The following KIAA1217 variants were observed in gnomAD, a reference collection of about 807,000 sequenced individuals.
The protein encoded by KIAA1217 is sickle tail protein homolog.
KIAA1217 carries 88 observed loss-of-function variants against 163.9 expected under a neutral mutation model. The ratio of observed to expected loss-of-function variants is 0.54; its 90% CI spans 0.45 to 0.64. The LOEUF (loss-of-function observed/expected upper bound fraction) is 0.64. Ranked by LOEUF, KIAA1217 falls within the 30% of genes least tolerant of loss-of-function variation. The pLI, the probability that KIAA1217 is intolerant of heterozygous loss-of-function variation, is 0.00. For missense variants in KIAA1217, 2,372 were observed against 2,475.0 expected, an observed-to-expected ratio of 0.96 and a Z score of 0.88; for synonymous variants, 903 against 923.1, an observed-to-expected ratio of 0.98 and a Z score of 0.39.
intron 1 of KIAA1217, among the ~76,000 whole-genome samples, chr10:23,830,405 C>A (rs185674343): frequency 6.6e-6 from 1 of 152,070 alleles, no homozygotes; most frequent in South Asian, 2.1e-4. Flanking sequence ...AAAAGACGAC[C>A]GTGTCCAGGG....
At chr10:23,759,014 T>C (rs1385584558) in intron 1 of KIAA1217, among the ~76,000 whole-genome samples, 1 of 152,146 alleles carries the variant, frequency 6.6e-6, no homozygotes. Flanking sequence ...TTGCTTTGGG[T>C]AGTATTGACG....
chr10:24,158,798 A>G, intron 2 of KIAA1217: 9 of 447,604 alleles, frequency 2.0e-5, no homozygotes, highest in Middle Eastern at 3.6e-4. Flanking sequence ...GTAGTAGAAG[A>G]CCAAGGAGGA....
At chr10:24,416,430 T>C (rs956329175) in intron 3 of KIAA1217, among the ~76,000 whole-genome samples, 3 of 152,238 alleles carry the variant, frequency 2.0e-5, no homozygotes, top group African/African-American at 7.2e-5. Flanking sequence ...GAAGGTTCTG[T>C]TCCTGGCTTT....
chr10:23,695,733 G>A lies in KIAA1217; in HGVS notation c.-321+499G>A, dbSNP rs1013433306. 1.3e-4 allele frequency among the ~76,000 whole-genome samples: 20 copies of A among 152,190 alleles called. No homozygotes were observed. The highest frequency in any genetic ancestry group is 1.8e-4 in the Non-Finnish European group (12 of 68,026). ...ACGGGCTGGAGGGTGGGGACACTGG[G>A]GAGTTTGGAGCTGGGGGTTCGGAGT... On this transcript the variant is annotated intron_variant, in intron 1 of 18. Transcript: ENST00000376462. The surrounding 1 kb of genome is among the most constrained non-coding windows in gnomAD (Gnocchi z 4.9).
At chr10:23,751,310 G>A (rs143210361) in intron 1 of KIAA1217, among the ~76,000 whole-genome samples, 478 of 152,248 alleles carry the variant, frequency 3.1e-3, no homozygotes, top group African/African-American at 0.011. Flanking sequence ...TTACAGGTGT[G>A]AGCCACCGTG....
upstream of KIAA1217, among the ~76,000 whole-genome samples, chr10:24,207,963 G>A (rs1215754495): frequency 6.6e-6 from 1 of 152,090 alleles, no homozygotes; most frequent in Non-Finnish European, 1.5e-5. Context: ...GTAAACTGGG[G>A]CAAAGTATGG....
At chr10:23,698,281 C>T (rs1260313839) in intron 1 of KIAA1217, among the ~76,000 whole-genome samples, 1 of 152,150 alleles carries the variant, frequency 6.6e-6, no homozygotes, top group Non-Finnish European at 1.5e-5. Flanking sequence ...ATATTTAAGA[C>T]ATCAGAGCTC....
intron 2 of KIAA1217, among the ~76,000 whole-genome samples, chr10:24,055,360 A>G (rs1272718400): frequency 6.6e-6 from 1 of 152,178 alleles, no homozygotes; most frequent in East Asian, 1.9e-4. Context: ...TTAATATTAG[A>G]CTATGTTTAA....
intron 2 of KIAA1217, among the ~76,000 whole-genome samples, chr10:24,234,715 A>C (rs1028004171): frequency 2.0e-5 from 3 of 151,098 alleles, no homozygotes; most frequent in Non-Finnish European, 4.4e-5. Flanking sequence ...TTGCTTTTTC[A>C]GCCTAATTCG....
intron 3 of KIAA1217, among the ~76,000 whole-genome samples, chr10:24,425,549 G>GT (rs1278492530): frequency 6.6e-6 from 1 of 152,154 alleles, no homozygotes; most frequent in Non-Finnish European, 1.5e-5. Context: ...ATAAAATACA[G>GT]TTTTTTCACA....
chr10:23,852,640 C>G (rs1001119217), intron 1 of KIAA1217, among the ~76,000 whole-genome samples: 1 of 152,144 alleles, frequency 6.6e-6, no homozygotes, highest in Non-Finnish European at 1.5e-5. Flanking sequence ...ATTCTTCCTA[C>G]CCATGAGCAT....
At chr10:24,036,848 G>A (rs148468296) in intron 2 of KIAA1217, among the ~76,000 whole-genome samples, 78 of 152,318 alleles carry the variant, frequency 5.1e-4, no homozygotes, top group African/African-American at 1.6e-3. Flanking sequence ...AACATTGGAG[G>A]TTGAGACTTG....
At chr10:24,445,360 A>G (rs2060831622) in intron 5 of KIAA1217, among the ~76,000 whole-genome samples, 3 of 152,172 alleles carry the variant, frequency 2.0e-5, no homozygotes, top group Admixed American at 2.0e-4. Context: ...AATATGCTTT[A>G]TTAAACATTT....
Position 24,540,258 on chromosome 10 carries a change from G to A in KIAA1217, c.3535-2435G>A, listed in dbSNP as rs112454806. 8.4e-3 allele frequency among the ~76,000 whole-genome samples: 1,284 copies of A among 152,218 alleles called. 11 individuals carry two copies. The highest frequency in any genetic ancestry group is 0.029 in the African/African-American group (1,204 of 41,522). Reference sequence around the variant, plus strand: ...AATTTATTTATTTATTTTTGAGACCGAGTCTCGCTCTCTCGCCCAGGCTGG... The same window carrying A: ...AATTTATTTATTTATTTTTGAGACCAAGTCTCGCTCTCTCGCCCAGGCTGG... On this transcript the variant is annotated intron_variant, in intron 17 of 20. Coordinates refer to ENST00000376454, the MANE Select transcript of KIAA1217 (RefSeq NM_019590.5).
chr10:23,992,226 A>G (rs562564623), intron 1 of KIAA1217, among the ~76,000 whole-genome samples: 1 of 152,358 alleles, frequency 6.6e-6, no homozygotes, highest in East Asian at 1.9e-4. Context: ...TTTGGCAAAT[A>G]TGTATTCAGA....
intron 1 of KIAA1217, among the ~76,000 whole-genome samples, chr10:23,991,057 A>G (rs532330065): frequency 2.0e-5 from 3 of 152,318 alleles, no homozygotes; most frequent in Admixed American, 2.0e-4. Context: ...CCAAGTGTGA[A>G]ATGGTGCCTT....
intron 2 of KIAA1217, among the ~76,000 whole-genome samples, chr10:24,228,848 G>A (rs903673751): frequency 1.3e-5 from 2 of 152,132 alleles, no homozygotes; most frequent in Non-Finnish European, 1.5e-5. Flanking sequence ...GTACAATGAC[G>A]TCATTGGCAT....
At chr10:24,279,862 C>G (rs931098429) in intron 2 of KIAA1217, among the ~76,000 whole-genome samples, 2 of 152,272 alleles carry the variant, frequency 1.3e-5, no homozygotes, top group African/African-American at 2.4e-5. Context: ...TAAGAGGGTA[C>G]AAGTTCATCT....
At chr10:23,854,338 T>C (rs1588954040) in intron 1 of KIAA1217, among the ~76,000 whole-genome samples, 1 of 152,234 alleles carries the variant, frequency 6.6e-6, no homozygotes, top group East Asian at 1.9e-4. Context: ...GTGAGTTTCT[T>C]AATCCTAAGT....
Sources: gnomAD v4.1 joint callset for allele counts (sites outside exome capture counted in the v4.1 genomes callset) on GRCh38, gnomAD v4.1.1 for gene constraint, Gnocchi (gnomAD v3.1) non-coding constraint, MANE v1.5 for transcripts, NCBI Gene and HGNC (gene_info 2026-07-23, HGNC 2026-07-21) for gene names.